The following OXR1 variants were observed in gnomAD, a reference collection of about 807,000 sequenced individuals.
The protein encoded by OXR1 is oxidation resistance protein 1.
In OXR1, 41 loss-of-function variants were observed where a neutral mutation model predicts 104.6. The observed-to-expected ratio is 0.39, with a 90% CI of 0.31 to 0.51. OXR1 has a LOEUF of 0.51. Ranked by LOEUF, OXR1 falls within the 20% of genes least tolerant of loss-of-function variation. The probability of loss-of-function intolerance (pLI) is 0.77; values close to 1 mark genes in which losing one functional copy is unlikely to be tolerated. For missense variants in OXR1, 955 were observed against 1,031.9 expected (o/e 0.93, Z 1.02); for synonymous variants, 348 against 348.4 (o/e 1.00, Z 0.01).
chr8:106,722,343 T>A (rs1015726319), intron 11 of OXR1, among the ~76,000 whole-genome samples: 7 of 152,126 alleles, frequency 4.6e-5, no homozygotes, highest in Admixed American at 4.6e-4. Context: ...TCTTTTTTTT[T>A]AATACTGATC....
intron 2 of OXR1, among the ~76,000 whole-genome samples, chr8:106,487,070 C>T (rs1032085596): frequency 6.8e-6 from 1 of 146,042 alleles, no homozygotes; most frequent in East Asian, 2.0e-4. Context: ...GTCACCCAGG[C>T]TGGAGAGCAG....
At chr8:106,720,554 G>A (rs949357171) in intron 11 of OXR1, 1 of 167,514 alleles carries the variant, frequency 6.0e-6, no homozygotes, top group Non-Finnish European at 1.2e-5. Context: ...CATAAATTTG[G>A]TTCACTATGG....
chr8:106,500,706 AT>A (rs1811755275), intron 2 of OXR1, among the ~76,000 whole-genome samples: 1 of 152,188 alleles, frequency 6.6e-6, no homozygotes, highest in Admixed American at 6.5e-5. Flanking sequence ...TTCCCTGTAT[AT>A]TTAAAATCTC....
At chr8:106,359,788 A>C (rs1051469769) in intron 2 of OXR1, among the ~76,000 whole-genome samples, 152 bp downstream of exon 2, 4 of 152,208 alleles carry the variant, frequency 2.6e-5, no homozygotes, top group Non-Finnish European at 5.9e-5. Context: ...TAAAGAAAGC[A>C]ATCTAGGATT....
intron 1 of OXR1, among the ~76,000 whole-genome samples, chr8:106,338,799 C>A (rs903556300): frequency 4.6e-5 from 7 of 151,970 alleles, no homozygotes; most frequent in Non-Finnish European, 8.8e-5. Context: ...ACTTGTAATT[C>A]TCTAAAACAT....
At chr8:106,712,578 A>G (rs754742248) in intron 10 of OXR1, among the ~76,000 whole-genome samples, 13 of 152,108 alleles carry the variant, frequency 8.5e-5, no homozygotes, top group Non-Finnish European at 1.5e-4. Context: ...CCTTAGCACC[A>G]TCTTACACGT....
chr8:106,521,581 C>T (rs1390203956), intron 3 of OXR1, among the ~76,000 whole-genome samples: 6 of 152,114 alleles, frequency 3.9e-5, no homozygotes, highest in South Asian at 4.1e-4. Flanking sequence ...GGTGCGATCT[C>T]GGCTCACTGC....
intron 2 of OXR1, among the ~76,000 whole-genome samples, chr8:106,371,770 A>G (rs1177854817): frequency 6.6e-6 from 1 of 152,176 alleles, no homozygotes; most frequent in East Asian, 1.9e-4. Flanking sequence ...CTCTTCCTGC[A>G]GGGAAGCCTC....
intron 1 of OXR1, among the ~76,000 whole-genome samples, chr8:106,313,470 G>T (rs188457798): frequency 1.3e-3 from 200 of 152,196 alleles, no homozygotes; most frequent in Middle Eastern, 3.4e-3. Flanking sequence ...TTTCATTTGG[G>T]TGTTTTGAAT....
At chr8:106,695,277 T>G (rs1267402633) in intron 7 of OXR1, among the ~76,000 whole-genome samples, 1 of 151,998 alleles carries the variant, frequency 6.6e-6, no homozygotes, top group Non-Finnish European at 1.5e-5. Flanking sequence ...ATTTGTATCA[T>G]TTTTCCTTTT....
chr8:106,739,134 A>T (rs1478043348), intron 12 of OXR1, among the ~76,000 whole-genome samples: 4 of 148,940 alleles, frequency 2.7e-5, no homozygotes, highest in Non-Finnish European at 6.0e-5. Flanking sequence ...CAAGCCAGCT[A>T]GCTGACTTTT....
At chr8:106,614,079 A>G (rs1821008139) in intron 3 of OXR1, among the ~76,000 whole-genome samples, 1 of 152,250 alleles carries the variant, frequency 6.6e-6, no homozygotes, top group African/African-American at 2.4e-5. Flanking sequence ...GCAATGTGAT[A>G]TTAGCAAAAG....
At chr8:106,708,270 A>G (rs1266751739) in intron 9 of OXR1, among the ~76,000 whole-genome samples, 1 of 152,036 alleles carries the variant, frequency 6.6e-6, no homozygotes, top group African/African-American at 2.4e-5. Context: ...GTGATGGTGC[A>G]CACCTGTAGG....
rs531108127 is a variant in OXR1 at position 106,730,989 on chromosome 8, C to T, written c.1957-6531C>T. Among the ~76,000 whole-genome samples the T allele has an allele frequency of 8.9e-4, 135 of 152,280 alleles. 3 individuals carry two copies. The South Asian group carries it at 0.028, about 31-fold the overall frequency. ...TACCCATTTTGCATGGCATCCACAACAAATGAGAATTCCTGTTCTCCACAT... is the reference window on the plus strand; with the variant it reads ...TACCCATTTTGCATGGCATCCACAATAAATGAGAATTCCTGTTCTCCACAT... On this transcript the variant is annotated intron_variant, in intron 11 of 16. Transcript: ENST00000517566.
chr8:106,344,719 G>T (rs1815406842), intron 1 of OXR1, among the ~76,000 whole-genome samples: 1 of 152,204 alleles, frequency 6.6e-6, no homozygotes, highest in African/African-American at 2.4e-5. Context: ...TGGACAGGAA[G>T]AATTTAGCCA....
In OXR1 at chr8:106,643,404, T is replaced by C. The variant is rs368076453; in HGVS notation, c.221-35806T>C. ...TTTGCTGTTCCCTGGTCTAGAAGAA[T>C]AGGCTGAAATTCTGAAGGGAATCAA... On this transcript the variant is annotated intron_variant, in intron 3 of 16. Coordinates refer to ENST00000517566, the MANE Select transcript of OXR1 (RefSeq NM_001198533.2). Among the ~76,000 whole-genome samples, 9 of 151,488 alleles carry C rather than the reference T, an allele frequency of 5.9e-5. No homozygotes were observed. In the East Asian group the frequency reaches 1.2e-3, roughly 20 times the overall value.
intron 10 of OXR1, among the ~76,000 whole-genome samples, chr8:106,712,715 C>T (rs927291148): frequency 7.9e-5 from 12 of 151,886 alleles, no homozygotes; most frequent in African/African-American, 2.9e-4. Context: ...GTGTGTCTTC[C>T]ACAACATTGG....
intron 1 of OXR1, among the ~76,000 whole-genome samples, chr8:106,289,502 G>C (rs140297343): frequency 6.6e-6 from 1 of 152,188 alleles, no homozygotes; most frequent in African/African-American, 2.4e-5. Context: ...ACTGCTGGAA[G>C]AAATCAGAGA....
chr8:106,745,937 G>C, intron 16 of OXR1, 75 bp downstream of exon 16: 1 of 809,710 alleles, frequency 1.2e-6, no homozygotes. Context: ...TATAAATTCA[G>C]TTGTCTTTAG....
Sources: allele counts gnomAD v4.1 joint callset (sites outside exome capture counted in the v4.1 genomes callset), GRCh38; gene constraint gnomAD v4.1.1; transcripts MANE v1.5; gene names NCBI Gene and HGNC (gene_info 2026-07-23, HGNC 2026-07-21).